The following CLASP1 variants were observed in gnomAD, a reference collection of about 807,000 sequenced individuals.
CLASP1 encodes cytoplasmic linker associated protein 1.
A neutral mutation model predicts 192.3 loss-of-function variants in CLASP1; 38 were observed. That is an observed-to-expected ratio of 0.20 (90% CI 0.15 to 0.26). The LOEUF (loss-of-function observed/expected upper bound fraction) is 0.26. Ranked by LOEUF, CLASP1 falls within the 10% of genes least tolerant of loss-of-function variation. The pLI, the probability that CLASP1 is intolerant of heterozygous loss-of-function variation, is 1.00. For synonymous variants in CLASP1, 691 were observed against 712.8 expected, an observed-to-expected ratio of 0.97 and a Z score of 0.49; for missense variants, 1,433 against 1,932.5, an observed-to-expected ratio of 0.74 and a Z score of 4.85.
At chr2:121,638,109 A>T (rs906193312) in intron 1 of CLASP1, among the ~76,000 whole-genome samples, 1 of 152,128 alleles carries the variant, frequency 6.6e-6, no homozygotes, top group African/African-American at 2.4e-5. Flanking sequence ...CATAAAACTC[A>T]AAAACAAAAA....
At chr2:121,611,937 G>T (rs2065628118) in intron 1 of CLASP1, among the ~76,000 whole-genome samples, 1 of 150,596 alleles carries the variant, frequency 6.6e-6, no homozygotes, top group Non-Finnish European at 1.5e-5. Flanking sequence ...AGTTGTTACA[G>T]GAGGAAGAGG....
intron 39 of CLASP1, among the ~76,000 whole-genome samples, chr2:121,342,177 A>G (rs1558789642): frequency 6.6e-6 from 1 of 151,792 alleles, no homozygotes; most frequent in South Asian, 2.1e-4. Context: ...GCTGGAGTGC[A>G]GTGGCACAAC....
intron 1 of CLASP1, among the ~76,000 whole-genome samples, chr2:121,629,855 CT>C (rs34868278): frequency 0.19 from 29,205 of 151,910 alleles, 5,016 homozygotes; most frequent in African/African-American, 0.46. Flanking sequence ...AAAATAAAAA[CT>C]TTTTTTTATA....
rs1430271553 is a variant in CLASP1, at chr2:121,505,064, T to C, written c.645-1830A>G. 3 of 152,234 alleles carry C rather than the reference T, an allele frequency of 2.0e-5. No homozygotes were observed. The East Asian group carries it at 5.8e-4, about 29-fold the overall frequency. 9.4% of individuals were successfully genotyped at this position (152,234 alleles called of 1,614,324 possible). A position where few individuals can be genotyped will look rare whatever the true frequency, so the allele number is the denominator to read the frequency against. ...CTTGACAAACTCATAAATAATATCA[T>C]GACACCGGTTGCCAGGGCATGCCCT... On this transcript the variant is annotated intron_variant, in intron 7 of 39. Coordinates refer to ENST00000263710, the Ensembl canonical transcript of CLASP1.
chr2:121,504,419 A>C (rs1483217654), intron 7 of CLASP1, among the ~76,000 whole-genome samples: 1 of 152,132 alleles, frequency 6.6e-6, no homozygotes, highest in Admixed American at 6.6e-5. Context: ...AGCGAATGGA[A>C]GCTCCTTAGG....
At chr2:121,526,910 A>T (rs2094587986) in intron 5 of CLASP1, among the ~76,000 whole-genome samples, 1 of 152,236 alleles carries the variant, frequency 6.6e-6, no homozygotes, top group Non-Finnish European at 1.5e-5. Flanking sequence ...CAGCCATTAG[A>T]TAAATACAAA....
intron 1 of CLASP1, among the ~76,000 whole-genome samples, chr2:121,624,744 T>C (rs2106150803): frequency 6.6e-6 from 1 of 152,344 alleles, no homozygotes; most frequent in Non-Finnish European, 1.5e-5. Context: ...GTTTTGTTTT[T>C]TTCAATTTTG....
chr2:121,496,006 G>A (rs2093516513), intron 8 of CLASP1, among the ~76,000 whole-genome samples: 1 of 152,194 alleles, frequency 6.6e-6, no homozygotes, highest in Non-Finnish European at 1.5e-5. Flanking sequence ...GCATTGCAGA[G>A]CAGGGCACAG....
At chr2:121,641,402 G>A (rs1047300287) in intron 1 of CLASP1, among the ~76,000 whole-genome samples, 1 of 150,416 alleles carries the variant, frequency 6.6e-6, no homozygotes, top group African/African-American at 2.4e-5. Flanking sequence ...TTACACAGGA[G>A]CCTAGCACAC....
At chr2:121,577,057 G>A (rs2060589801) in intron 2 of CLASP1, among the ~76,000 whole-genome samples, 1 of 152,110 alleles carries the variant, frequency 6.6e-6, no homozygotes. Context: ...ATATTTATAG[G>A]TAAAATGATA....
intron 19 of CLASP1, among the ~76,000 whole-genome samples, chr2:121,431,746 GTT>G (rs531841516): frequency 3.0e-5 from 4 of 135,026 alleles, no homozygotes; most frequent in Non-Finnish European, 3.2e-5. Flanking sequence ...CATTCCCTTG[GTT>G]TTTTTTTTTT....
At chr2:121,518,278 A>G (rs1267333531) in intron 6 of CLASP1, among the ~76,000 whole-genome samples, 1 of 146,570 alleles carries the variant, frequency 6.8e-6, no homozygotes. Flanking sequence ...AGGTTAAATG[A>G]GGTCATGATG....
chr2:121,442,127 T>C (rs2083450049), intron 19 of CLASP1, among the ~76,000 whole-genome samples: 1 of 152,170 alleles, frequency 6.6e-6, no homozygotes, highest in Non-Finnish European at 1.5e-5. Flanking sequence ...GGGAAAAATA[T>C]GAATGCTTTT....
intron 6 of CLASP1, among the ~76,000 whole-genome samples, chr2:121,519,332 G>T (rs2094403594): frequency 6.6e-6 from 1 of 152,178 alleles, no homozygotes; most frequent in Non-Finnish European, 1.5e-5. Context: ...CATGAGGAGT[G>T]AGTGATTGCA....
intron 7 of CLASP1, among the ~76,000 whole-genome samples, chr2:121,504,178 GC>G (rs2093861217): frequency 6.6e-6 from 1 of 151,342 alleles, no homozygotes; most frequent in African/African-American, 2.4e-5. Flanking sequence ...GCTGCAATGA[GC>G]CGAGACCGTG....
chr2:121,583,850 T>C (rs2061455577), intron 2 of CLASP1, among the ~76,000 whole-genome samples: 1 of 152,086 alleles, frequency 6.6e-6, no homozygotes, highest in African/African-American at 2.4e-5. Flanking sequence ...CTCTCATGAA[T>C]GAGACTAACA....
Position 121,419,553 on chromosome 2 carries a change from C to A in CLASP1, c.2213-824G>T, listed in dbSNP as rs532188067. On this transcript the variant is annotated intron_variant, in intron 22 of 39. Transcript: ENST00000263710. ...AAAGATCTCTCCACTGACCTGAGAACAGCAAATAACTTTCTGATTATCTAC... is the reference window on the plus strand; with the variant it reads ...AAAGATCTCTCCACTGACCTGAGAAAAGCAAATAACTTTCTGATTATCTAC... 3.3e-5 allele frequency among the ~76,000 whole-genome samples: 5 copies of A among 152,192 alleles called. No homozygotes were observed. The South Asian group carries it at 8.3e-4, about 25-fold the overall frequency.
chr2:121,576,672 A>G (rs1044141296), intron 2 of CLASP1, among the ~76,000 whole-genome samples: 3 of 152,234 alleles, frequency 2.0e-5, no homozygotes, highest in Non-Finnish European at 4.4e-5. Context: ...GAAATGGAAC[A>G]CCAAGTATGT....
At chr2:121,340,767 G>T (rs2062687412) in exon 40 of CLASP1, 1 of 906,580 alleles carries the variant, frequency 1.1e-6, no homozygotes, top group Non-Finnish European at 1.8e-6. Context: ...GGGCCTCCTT[G>T]TACTGACTGG....
Sources: allele counts gnomAD v4.1 joint callset (sites outside exome capture counted in the v4.1 genomes callset), GRCh38; gene constraint gnomAD v4.1.1; transcripts MANE v1.5; gene names NCBI Gene and HGNC (gene_info 2026-07-23, HGNC 2026-07-21).